The following FBXW8 variants were observed in gnomAD, a reference collection of about 807,000 sequenced individuals.
FBXW8 encodes F-box and WD repeat domain containing 8, also known as F-box/WD repeat-containing protein 8.
In FBXW8, 57 loss-of-function variants were observed where a neutral mutation model predicts 65.3. The observed-to-expected ratio is 0.87, with a 90% CI of 0.71 to 1.09. The LOEUF is 1.09. Ranked by LOEUF, FBXW8 falls within the 50% of genes least tolerant of loss-of-function variation. FBXW8 has a pLI of 0.00. For missense variants in FBXW8, 777 were observed against 814.8 expected (o/e 0.95, Z 0.57); for synonymous variants, 308 against 330.2 (o/e 0.93, Z 0.73).
intron 4 of FBXW8, among the ~76,000 whole-genome samples, chr12:116,952,806 C>T (rs1421704388): frequency 2.6e-5 from 4 of 152,232 alleles, no homozygotes; most frequent in East Asian, 3.9e-4. Flanking sequence ...GGTGTGATCT[C>T]AGCTCACTGC....
chr12:116,949,732 G>A, intron 4 of FBXW8, 26 bp downstream of exon 4: 1 of 1,604,354 alleles, frequency 6.2e-7, no homozygotes, highest in Non-Finnish European at 8.5e-7. Context: ...TCCACTGAGT[G>A]CTCTGCATCT....
At chr12:116,912,963 A>T (rs889803646) in intron 1 of FBXW8, among the ~76,000 whole-genome samples, 5 of 152,210 alleles carry the variant, frequency 3.3e-5, no homozygotes, top group Admixed American at 1.3e-4. Context: ...AGAAACTCAG[A>T]GATTCTCTGT....
chr12:116,939,662 T>C (rs1243803038), intron 2 of FBXW8, among the ~76,000 whole-genome samples: 1 of 152,258 alleles, frequency 6.6e-6, no homozygotes, highest in African/African-American at 2.4e-5. Context: ...GGCATATGTA[T>C]GCCCAGGATC....
chr12:116,928,425 G>C (rs1006935360), intron 2 of FBXW8, among the ~76,000 whole-genome samples: 3 of 152,172 alleles, frequency 2.0e-5, no homozygotes, highest in Non-Finnish European at 2.9e-5. Flanking sequence ...TATTGAGCTT[G>C]TCTGTGCTGT....
At chr12:116,922,482 G>A (rs762469591) in intron 1 of FBXW8, among the ~76,000 whole-genome samples, 3 of 152,118 alleles carry the variant, frequency 2.0e-5, no homozygotes, top group Non-Finnish European at 4.4e-5. Flanking sequence ...GATCTTTCAT[G>A]TCCTCTTTGC....
At chr12:116,998,292 T>C (rs571587953) in intron 7 of FBXW8, among the ~76,000 whole-genome samples, 1 of 152,362 alleles carries the variant, frequency 6.6e-6, no homozygotes, top group South Asian at 2.1e-4. Flanking sequence ...GTCTTTTGTC[T>C]TTATTCACAC....
chr12:116,939,060 C>T (rs1397578683), intron 2 of FBXW8, among the ~76,000 whole-genome samples: 3 of 152,122 alleles, frequency 2.0e-5, no homozygotes, highest in Non-Finnish European at 2.9e-5. Flanking sequence ...ACCGGTAACC[C>T]AAATCAGTGT....
chr12:117,020,723 C>T (rs766012340), intron 8 of FBXW8, among the ~76,000 whole-genome samples: 1 of 152,206 alleles, frequency 6.6e-6, no homozygotes, highest in Non-Finnish European at 1.5e-5. Flanking sequence ...GATGAAACCA[C>T]GGAGCTGAGC....
intron 3 of FBXW8, among the ~76,000 whole-genome samples, chr12:116,947,531 T>G (rs1411541786): frequency 1.3e-5 from 2 of 151,998 alleles, no homozygotes; most frequent in African/African-American, 4.8e-5. Context: ...ATGGATCACT[T>G]GAGGTTAGGA....
chr12:116,962,205 A>G (rs1400306429), intron 4 of FBXW8, among the ~76,000 whole-genome samples: 1 of 152,124 alleles, frequency 6.6e-6, no homozygotes, highest in Non-Finnish European at 1.5e-5. Context: ...TGTGGGAGAA[A>G]GGCTTGCCCA....
At chr12:116,979,799 CTT>C (rs1885183675) in intron 5 of FBXW8, among the ~76,000 whole-genome samples, 1 of 140,504 alleles carries the variant, frequency 7.1e-6, no homozygotes, top group African/African-American at 2.8e-5. Context: ...AAAAAAAACA[CTT>C]GCTTCTTATG....
At chr12:117,023,641 G>A (rs1158019855) in intron 8 of FBXW8, among the ~76,000 whole-genome samples, 1 of 152,214 alleles carries the variant, frequency 6.6e-6, no homozygotes, top group South Asian at 2.1e-4. Flanking sequence ...AAGGATAAAG[G>A]CTTTCCCTTT....
At chr12:116,951,562 G>A (rs1371430922) in intron 4 of FBXW8, 54 of 152,038 alleles carry the variant, frequency 3.6e-4, no homozygotes, top group Admixed American at 3.5e-3. Context: ...TGCACAAGTG[G>A]AGTCTGTTCA....
At position 116,929,679 on chromosome 12, in the gene FBXW8, C is replaced by T. The variant is rs528419514; in HGVS notation, c.423+1552C>T. ...GAGGTAACTAACATGTATTACCTCA[C>T]ATACTTATTTTCTGTGGTGAGAACA... On this transcript the variant is annotated intron_variant, in intron 2 of 10. Transcript: ENST00000652555. Among the ~76,000 whole-genome samples the T allele has an allele frequency of 9.7e-4, 148 of 152,338 alleles. 1 individual carries two copies. The highest frequency in any genetic ancestry group is 3.5e-3 in the African/African-American group (144 of 41,568).
chr12:116,999,049 T>C (rs945951243), intron 7 of FBXW8, among the ~76,000 whole-genome samples: 5 of 152,194 alleles, frequency 3.3e-5, no homozygotes, highest in African/African-American at 1.2e-4. Context: ...AATTAACTTA[T>C]CAATTACTGA....
intron 1 of FBXW8, among the ~76,000 whole-genome samples, chr12:116,913,913 C>T (rs761643713): frequency 7.9e-5 from 12 of 152,106 alleles, no homozygotes; most frequent in Non-Finnish European, 2.9e-5. Flanking sequence ...TCAGAATCAC[C>T]ACATTAGGTA....
chr12:117,001,493 A>G (rs1953518765), intron 7 of FBXW8, among the ~76,000 whole-genome samples: 2 of 152,228 alleles, frequency 1.3e-5, no homozygotes, highest in Non-Finnish European at 2.9e-5. Flanking sequence ...GTCGGCATAC[A>G]GATACTTGTA....
Position 116,985,270 on chromosome 12 carries a change from A to T in FBXW8, c.900A>T (p.Ala300=). The change falls in exon 6 of 11, where the codon GCA becomes GCT. Residue 300 remains alanine (A), a synonymous_variant. Transcript: ENST00000652555. ...CTGTTCATCGTTTTGAGCACGATGC[A>T]AGAATACAGGCACTAGCCCTCAGCC... ...KYPVHRFEHD[A]RIQALALSQD... The T allele has an allele frequency of 6.2e-7, 1 of 1,614,182 alleles. No homozygotes were observed. The highest frequency in any genetic ancestry group is 8.5e-7 in the Non-Finnish European group (1 of 1,180,034).
chr12:117,010,335 AGCCTGGAAGCAG>A lies in FBXW8; in HGVS notation c.1254_1265del (p.Ser418_Gly422delinsArg). 1 of 1,614,204 alleles carries A rather than the reference AGCCTGGAAGCAG, an allele frequency of 6.2e-7. No individual in the cohort carries two copies. Among genetic ancestry groups the A allele is most frequent in the Non-Finnish European group, 8.5e-7 (1 of 1,180,034 alleles). The stretch of plus-strand genomic sequence containing the variant: ...CTTCCTCTCTCAGATCCTGGTGTAT[AGCCTGGAAGCAG>A]GACGCCGCCTCTTGAAGCTGGGTAA... On this transcript the variant is annotated inframe_deletion, in exon 8 of 11. Transcript: ENST00000652555.
Sources: gnomAD v4.1 joint callset for allele counts (sites outside exome capture counted in the v4.1 genomes callset) on GRCh38, gnomAD v4.1.1 for gene constraint, MANE v1.5 for transcripts, NCBI Gene and HGNC (gene_info 2026-07-23, HGNC 2026-07-21) for gene names.